LMCD1: variants seen among roughly 807,000 people sequenced by gnomAD.
The protein encoded by LMCD1 is LIM and cysteine rich domains 1.
In LMCD1, 32 loss-of-function variants were observed where a neutral mutation model predicts 42.7. That is an observed-to-expected ratio of 0.75 (90% CI 0.57 to 1.01). The LOEUF is 1.01. LMCD1 is among the 50% of genes least tolerant of loss of function. The probability of loss-of-function intolerance (pLI) is 0.00; values close to 1 mark genes in which losing one functional copy is unlikely to be tolerated. For synonymous variants in LMCD1, 178 were observed against 184.9 expected (o/e 0.96, Z 0.30); for missense variants, 458 against 483.1 (o/e 0.95, Z 0.49).
rs143732284 is a variant in LMCD1, at chr3:8,567,440, A to G, written c.940A>G (p.Ile314Val). ...LRPRCSGCDE[I>V]IFAEDYQRVE... is the part of the protein sequence containing the mutation. ...GCATTTCTCCTGCTCCCCTCCCCAGATAATATTCGCTGAGGACTACCAGCG... is the reference window on the plus strand; with the variant it reads ...GCATTTCTCCTGCTCCCCTCCCCAGGTAATATTCGCTGAGGACTACCAGCG... Residue 314 changes from isoleucine to valine, a missense_variant and splice_region_variant, in exon 6 of 6, where the codon ATA becomes GTA. Coordinates refer to ENST00000157600, the MANE Select transcript of LMCD1 (RefSeq NM_014583.4). 8.8e-5 allele frequency: 142 copies of G among 1,613,560 alleles called. No homozygotes were observed. Among genetic ancestry groups the G allele is most frequent in the Non-Finnish European group, 1.1e-4 (132 of 1,179,778 alleles).
At chr3:8,513,711 A>G (rs894880911) in intron 1 of LMCD1, among the ~76,000 whole-genome samples, 13 of 152,216 alleles carry the variant, frequency 8.5e-5, no homozygotes, top group African/African-American at 2.4e-4. Context: ...AATTATTTGT[A>G]AAGTTGTCAT....
chr3:8,522,931 A>G (rs1435000138), intron 1 of LMCD1, among the ~76,000 whole-genome samples: 1 of 152,220 alleles, frequency 6.6e-6, no homozygotes, highest in Non-Finnish European at 1.5e-5. Flanking sequence ...CACGAGATAA[A>G]TCCATCTGAC....
chr3:8,544,238 T>C (rs1481180474), intron 3 of LMCD1, among the ~76,000 whole-genome samples: 1 of 152,096 alleles, frequency 6.6e-6, no homozygotes, highest in Non-Finnish European at 1.5e-5. Flanking sequence ...CTGAACTTTG[T>C]AGATGAGGAA....
chr3:8,525,597 T>C (rs1249781778), intron 1 of LMCD1, among the ~76,000 whole-genome samples: 1 of 152,234 alleles, frequency 6.6e-6, no homozygotes, highest in Non-Finnish European at 1.5e-5. Context: ...GTGGGATTTC[T>C]GGATTGTATG....
At chr3:8,532,129 A>G (rs1463141865) in intron 1 of LMCD1, among the ~76,000 whole-genome samples, 1 of 152,234 alleles carries the variant, frequency 6.6e-6, no homozygotes, top group African/African-American at 2.4e-5. Context: ...GCAGCAGCAA[A>G]TGCACTTTTG....
At chr3:8,505,277 A>G (rs1466015917) in intron 1 of LMCD1, among the ~76,000 whole-genome samples, 1 of 152,236 alleles carries the variant, frequency 6.6e-6, no homozygotes, top group Non-Finnish European at 1.5e-5. Context: ...CAATGACCAA[A>G]TGCTGTTGCC....
rs929696156 is a variant in LMCD1, at chr3:8,551,755, G to A, written c.723+2852G>A. ...GGGTGTGGGCTGCACTCCCTGACCC[G>A]TCTGCCTTGCCTCACCAGCATTCAC... On this transcript the variant is annotated intron_variant, in intron 4 of 5. Transcript: ENST00000157600. 6.6e-5 allele frequency among the ~76,000 whole-genome samples: 10 copies of A among 152,300 alleles called. No individual in the cohort carries two copies. The East Asian group carries it at 1.3e-3, about 21-fold the overall frequency.
chr3:8,564,226 T>C (rs1215095708), intron 4 of LMCD1, among the ~76,000 whole-genome samples: 1 of 152,120 alleles, frequency 6.6e-6, no homozygotes. Flanking sequence ...CTCTGTGCTG[T>C]TTTTGCAATT....
rs575045867 is a variant in LMCD1, at chr3:8,538,286, G to A, written c.387+846G>A. 9.9e-5 allele frequency among the ~76,000 whole-genome samples: 15 copies of A among 152,274 alleles called. No homozygotes were observed. The South Asian group carries it at 2.3e-3, about 23-fold the overall frequency. On this transcript the variant is annotated intron_variant, in intron 3 of 5. Transcript: ENST00000157600. ...AAGTTCAGGGCCATCCTGAGATACC[G>A]CACGCCTGACATACTCCCAGGTGAT...
intron 1 of LMCD1, among the ~76,000 whole-genome samples, chr3:8,505,390 T>A (rs1336914220): frequency 4.6e-5 from 7 of 152,252 alleles, no homozygotes; most frequent in Non-Finnish European, 8.8e-5. Context: ...AGTTATATAA[T>A]GTTAGGCCTC....
In LMCD1 at chr3:8,570,424, G is replaced by C. The variant is rs1695194172; in HGVS notation, c.*2826G>C. 1 of 152,320 alleles carries C rather than the reference G, an allele frequency of 6.6e-6. No homozygotes were observed. The highest frequency in any genetic ancestry group is 1.5e-5 in the Non-Finnish European group (1 of 68,124). 9.4% of individuals were successfully genotyped at this position (152,320 alleles called of 1,614,324 possible). On this transcript the variant is annotated 3_prime_UTR_variant, in exon 6 of 6. Transcript: ENST00000157600. The stretch of plus-strand genomic sequence containing the variant: ...TGGTCCACTGGGTCACACCATCATG[G>C]ATGGGCATTATCTCCCACAACAGTC...
chr3:8,547,466 A>G (rs1341561437), intron 3 of LMCD1, among the ~76,000 whole-genome samples: 1 of 152,232 alleles, frequency 6.6e-6, no homozygotes, highest in Non-Finnish European at 1.5e-5. Flanking sequence ...GCAAGCTGTT[A>G]CCATGAGCCA....
At chr3:8,512,044 C>T (rs376625003) in intron 1 of LMCD1, among the ~76,000 whole-genome samples, 9 of 152,176 alleles carry the variant, frequency 5.9e-5, no homozygotes, top group Non-Finnish European at 8.8e-5. Flanking sequence ...CATATACGTC[C>T]GTGAGATCCA....
chr3:8,565,900 A>G (rs367954873), intron 5 of LMCD1, among the ~76,000 whole-genome samples: 12 of 152,222 alleles, frequency 7.9e-5, no homozygotes, highest in African/African-American at 2.9e-4. Flanking sequence ...AGCACTTAGT[A>G]AGTACTCAGA....
At chr3:8,535,313 T>C (rs1022772251) in intron 2 of LMCD1, among the ~76,000 whole-genome samples, 30 of 151,956 alleles carry the variant, frequency 2.0e-4, no homozygotes, top group African/African-American at 7.0e-4. Flanking sequence ...TTTTTATTTT[T>C]ATTTATTTAA....
chr3:8,527,130 A>C (rs1298112402), intron 1 of LMCD1, among the ~76,000 whole-genome samples: 2 of 152,260 alleles, frequency 1.3e-5, no homozygotes, highest in African/African-American at 4.8e-5. Context: ...TAAGGTTGTC[A>C]AGAAGTTTAG....
chr3:8,537,293 C>T lies in LMCD1; in HGVS notation c.240C>T (p.Thr80=). 1 of 1,614,138 alleles carries T rather than the reference C, an allele frequency of 6.2e-7. No individual in the cohort carries two copies. The highest frequency in any genetic ancestry group is 8.5e-7 in the Non-Finnish European group (1 of 1,180,018). The stretch of plus-strand genomic sequence containing the variant: ...TGCTGATGGACTCCAAGTATTCCAC[C>T]CTCACTGCTCGGGTGAAAGGCGGGG... ...GRLLMDSKYS[T]LTARVKGGDG... Residue 80 remains threonine, a synonymous_variant, in exon 3 of 6, where the codon ACC becomes ACT. Transcript: ENST00000157600.
At chr3:8,525,127 T>A (rs950141004) in intron 1 of LMCD1, among the ~76,000 whole-genome samples, 1 of 152,246 alleles carries the variant, frequency 6.6e-6, no homozygotes, top group Non-Finnish European at 1.5e-5. Context: ...ATGCTTTACA[T>A]TAGATCTCCA....
intron 4 of LMCD1, among the ~76,000 whole-genome samples, chr3:8,557,921 G>A (rs186501131): frequency 1.3e-5 from 2 of 152,290 alleles, no homozygotes; most frequent in African/African-American, 4.8e-5. Flanking sequence ...TGAGCTAGAG[G>A]CTGGGAAGAC....
Sources: allele counts gnomAD v4.1 joint callset (sites outside exome capture counted in the v4.1 genomes callset), GRCh38; gene constraint gnomAD v4.1.1; transcripts MANE v1.5; gene names NCBI Gene and HGNC (gene_info 2026-07-23, HGNC 2026-07-21).